PCYT1B: variants seen among roughly 807,000 people sequenced by gnomAD.
PCYT1B encodes the protein choline-phosphate cytidylyltransferase B.
PCYT1B carries 10 observed loss-of-function variants against 26.4 expected under a neutral mutation model. That is an observed-to-expected ratio of 0.38 (90% confidence interval 0.23 to 0.64). The LOEUF (loss-of-function observed/expected upper bound fraction) is 0.64, where lower values mean the gene tolerates loss of function less well. Among genes scored for constraint, PCYT1B ranks in the 30% least tolerant of loss-of-function variants. The probability of loss-of-function intolerance (pLI) is 0.56; values close to 1 mark genes in which losing one functional copy is unlikely to be tolerated. For synonymous variants in PCYT1B, 131 were observed against 108.4 expected (o/e 1.21, Z -1.29); for missense variants, 161 against 292.7 (o/e 0.55, Z 3.28).
At chrX:24,671,528 G>C (rs558800897) in intron 1 of PCYT1B, among the ~76,000 whole-genome samples, 5 of 111,289 alleles carry the variant, frequency 4.5e-5, no homozygotes, top group Middle Eastern at 4.6e-3. Context: ...GTGTCTGCTG[G>C]ATATGAACCT....
At chrX:24,648,445 A>T (rs1443631313), upstream of PCYT1B, among the ~76,000 whole-genome samples, 1 of 64,905 alleles carries the variant, frequency 1.5e-5, no homozygotes, top group Non-Finnish European at 2.6e-5. Context: ...TGGGATTTGA[A>T]GGAATTTTTT....
In PCYT1B at chrX:24,636,177, A is replaced by G. The variant is rs189892705; in HGVS notation, c.117+10812T>C. On this transcript the variant is annotated intron_variant, in intron 1 of 7. Transcript: ENST00000379144. ...GCCAAGAGCTATAATTGTAAGTAGG[A>G]TGTGATGCCTTTCCTTAGAGTTTAT... Among the ~76,000 whole-genome samples the G allele has an allele frequency of 6.6e-3, 741 of 112,578 alleles. 5 individuals are homozygous for G. Among genetic ancestry groups the G allele is most frequent in the Non-Finnish European group, 0.012 (614 of 53,325 alleles).
upstream of PCYT1B, among the ~76,000 whole-genome samples, chrX:24,649,386 C>G (rs1185724952): frequency 8.9e-6 from 1 of 111,913 alleles, no homozygotes; most frequent in African/African-American, 3.2e-5. Flanking sequence ...CACCCCAGAC[C>G]TACTGAATCA....
chrX:24,630,577 G>C (rs1046648715), intron 1 of PCYT1B, among the ~76,000 whole-genome samples: 9 of 112,147 alleles, frequency 8.0e-5, no homozygotes, highest in South Asian at 3.8e-4. Context: ...TTACAGGCGT[G>C]AGCCACCACG....
chrX:24,580,209 T>C (rs1283979847), intron 5 of PCYT1B, among the ~76,000 whole-genome samples: 1 of 112,384 alleles, frequency 8.9e-6, no homozygotes, highest in African/African-American at 3.2e-5. Context: ...AATGAACATT[T>C]TGAAAGCACT....
At chrX:24,567,772 A>G (rs1923681021) in intron 7 of PCYT1B, among the ~76,000 whole-genome samples, 1 of 110,727 alleles carries the variant, frequency 9.0e-6, no homozygotes, top group East Asian at 2.8e-4. Flanking sequence ...AACATGGTGA[A>G]ACCCTGTCTC....
rs1310517105 is a variant in PCYT1B, at chrX:24,647,328, T to C, written c.-223A>G. ...AAGAGGCAAGGCCTCAGTTTATCAC[T>C]ATAACAACCAGACGACACTGAAGCG... On this transcript the variant is annotated 5_prime_UTR_variant, in exon 1 of 8. In the 5' UTR this introduces an upstream ATG that the reference lacks. Transcript: ENST00000379144. 20 of 954,364 alleles carry C rather than the reference T, an allele frequency of 2.1e-5. No individual in the cohort carries two copies. In the East Asian group the frequency reaches 3.0e-4, roughly 14 times the overall value. 78.7% of individuals were successfully genotyped at this position (954,364 alleles called of 1,213,427 possible). A position where few individuals can be genotyped will look rare whatever the true frequency, so the allele number is the denominator to read the frequency against.
intron 5 of PCYT1B, among the ~76,000 whole-genome samples, chrX:24,579,842 A>G (rs919948731): frequency 6.2e-5 from 7 of 112,082 alleles, no homozygotes; most frequent in African/African-American, 1.9e-4. Context: ...GTCATCAGGT[A>G]GAATCCACAA....
intron 1 of PCYT1B, among the ~76,000 whole-genome samples, chrX:24,669,264 C>T (rs1351643443): frequency 4.5e-5 from 5 of 110,721 alleles, no homozygotes; most frequent in African/African-American, 1.3e-4. Flanking sequence ...TGCCTGTAAT[C>T]CCAGCACTTT....
At chrX:24,670,042 C>CA (rs1324854345) in intron 1 of PCYT1B, among the ~76,000 whole-genome samples, 1 of 50,757 alleles carries the variant, frequency 2.0e-5, no homozygotes, top group Admixed American at 2.8e-4. Context: ...GACCTTGTCT[C>CA]AAAAAAAAAG....
At chrX:24,621,759 T>C in intron 1 of PCYT1B, 2 of 349,550 alleles carry the variant, frequency 5.7e-6, no homozygotes, top group Non-Finnish European at 7.4e-6. Flanking sequence ...GCAATGAACC[T>C]TTTTCACATG....
intron 1 of PCYT1B, among the ~76,000 whole-genome samples, chrX:24,664,872 C>T (rs193215085): frequency 4.5e-5 from 5 of 111,656 alleles, no homozygotes; most frequent in Admixed American, 2.9e-4. Flanking sequence ...GCAGGACAAT[C>T]GCTTGAACCT....
At chrX:24,667,250 G>T (rs1927146604) in intron 1 of PCYT1B, among the ~76,000 whole-genome samples, 1 of 110,805 alleles carries the variant, frequency 9.0e-6, no homozygotes, top group Non-Finnish European at 1.9e-5. Flanking sequence ...CATCCACTAG[G>T]TGAGTTAAGA....
At position 24,561,813 on chromosome X, in the gene PCYT1B, C is replaced by T. The variant is rs767125867; in HGVS notation, c.*480G>A. 11 of 363,570 alleles carry T rather than the reference C, an allele frequency of 3.0e-5. No homozygotes were observed. Among genetic ancestry groups the T allele is most frequent in the Admixed American group, 2.7e-4 (6 of 22,307 alleles). The allele number at this position is 363,570 out of a possible 1,213,427, so 30.0% of individuals were successfully genotyped here. On this transcript the variant is annotated 3_prime_UTR_variant, in exon 8 of 8. Transcript: ENST00000379144. ...AGGAGGTTGGAATCTGTCTTTTTCTCGACTATTTCAGAAGCACTTTGCCAC... is the reference window on the plus strand; with the variant it reads ...AGGAGGTTGGAATCTGTCTTTTTCTTGACTATTTCAGAAGCACTTTGCCAC...
intron 1 of PCYT1B, among the ~76,000 whole-genome samples, chrX:24,624,805 C>T (rs1925834106): frequency 8.9e-6 from 1 of 112,400 alleles, no homozygotes; most frequent in Non-Finnish European, 1.9e-5. Flanking sequence ...CCCCTACCAG[C>T]CTGGGGGATG....
intron 3 of PCYT1B, among the ~76,000 whole-genome samples, chrX:24,602,062 C>A (rs975563895): frequency 4.4e-5 from 5 of 112,612 alleles, no homozygotes; most frequent in African/African-American, 1.6e-4. Context: ...CTTATAGCAA[C>A]TTTATTCATA....
At chrX:24,590,223 T>C in intron 3 of PCYT1B, 49 bp from the exon 4 acceptor site, 1 of 1,110,568 alleles carries the variant, frequency 9.0e-7, no homozygotes, top group Non-Finnish European at 1.2e-6. Flanking sequence ...CAGGACCTGC[T>C]CACAGCCACC....
intron 3 of PCYT1B, among the ~76,000 whole-genome samples, chrX:24,605,645 C>T (rs1372761668): frequency 6.3e-5 from 7 of 111,993 alleles, no homozygotes; most frequent in African/African-American, 9.7e-5. Context: ...GATGAAGGGG[C>T]CGGGAGCGGT....
At chrX:24,600,932 A>C (rs1216288991) in intron 3 of PCYT1B, among the ~76,000 whole-genome samples, 2 of 31,371 alleles carry the variant, frequency 6.4e-5, no homozygotes, top group African/African-American at 1.4e-4. Context: ...ATTCACATGC[A>C]AAAAAAAAAA....
Sources: gnomAD v4.1 joint callset for allele counts (sites outside exome capture counted in the v4.1 genomes callset) on GRCh38, gnomAD v4.1.1 for gene constraint, MANE v1.5 for transcripts, NCBI Gene and HGNC (gene_info 2026-07-23, HGNC 2026-07-21) for gene names.